DPP6: variants seen among roughly 807,000 people sequenced by gnomAD.
The protein encoded by DPP6 is dipeptidyl peptidase like 6, also known as A-type potassium channel modulatory protein DPP6.
In DPP6, 69 loss-of-function variants were observed where a neutral mutation model predicts 122.6. That is an observed-to-expected ratio of 0.56 (90% CI 0.46 to 0.69). The LOEUF (loss-of-function observed/expected upper bound fraction) is 0.69. Among genes scored for constraint, DPP6 ranks in the 30% least tolerant of loss-of-function variants. The pLI is 0.00. For missense variants in DPP6, 928 were observed against 1,116.9 expected, an observed-to-expected ratio of 0.83 and a Z score of 2.41; for synonymous variants, 418 against 433.1, an observed-to-expected ratio of 0.97 and a Z score of 0.43.
chr7:154,002,663 A>G (rs1378354305), intron 1 of DPP6, among the ~76,000 whole-genome samples: 1 of 152,108 alleles, frequency 6.6e-6, no homozygotes, highest in Non-Finnish European at 1.5e-5. Flanking sequence ...TGGTGGGACC[A>G]TGTTGGGGAG....
intron 1 of DPP6, among the ~76,000 whole-genome samples, chr7:154,060,323 C>A (rs1257745068): frequency 7.4e-6 from 1 of 135,432 alleles, no homozygotes; most frequent in Non-Finnish European, 1.6e-5. Flanking sequence ...GGACCCCCAT[C>A]GCAGGAGGGG....
chr7:154,580,415 G>A (rs955101013), intron 5 of DPP6, among the ~76,000 whole-genome samples: 7 of 152,158 alleles, frequency 4.6e-5, no homozygotes, highest in Admixed American at 1.3e-4. Context: ...ATGATGAATG[G>A]AACGTTGCTC....
At chr7:154,776,449 GCCCCAC>G (rs1796578634) in intron 10 of DPP6, among the ~76,000 whole-genome samples, 1 of 152,208 alleles carries the variant, frequency 6.6e-6, no homozygotes, top group South Asian at 2.1e-4. Flanking sequence ...TCACATGGCA[GCCCCAC>G]CCCGCTTCCA....
At chr7:154,478,842 T>C (rs568057344) in intron 3 of DPP6, among the ~76,000 whole-genome samples, 1 of 152,358 alleles carries the variant, frequency 6.6e-6, no homozygotes, top group African/African-American at 2.4e-5. Context: ...TTTTGAAGTC[T>C]CTATTCTAGC....
intron 7 of DPP6, among the ~76,000 whole-genome samples, chr7:154,687,281 T>C (rs2131198233): frequency 6.6e-6 from 1 of 152,364 alleles, no homozygotes; most frequent in East Asian, 1.9e-4. Flanking sequence ...TCATAGTCCA[T>C]TATACAAATG....
rs201322506 is a variant in DPP6, at chr7:154,557,694, GC to G, written c.553-9147del. 3.4e-3 allele frequency among the ~76,000 whole-genome samples: 520 copies of G among 152,228 alleles called. 9 individuals are homozygous for G. Among genetic ancestry groups the G allele is most frequent in the Admixed American group, 0.029 (446 of 15,282 alleles). ...TGTATTGGACAGCAGGCAGTGCACA[GC>G]TGTGATCCCCGAGAAAAGAAAAACA... On this transcript the variant is annotated intron_variant, in intron 4 of 25. Coordinates refer to ENST00000377770, the MANE Select transcript of DPP6 (RefSeq NM_130797.4).
At chr7:154,581,007 C>T (rs1307536222) in intron 5 of DPP6, among the ~76,000 whole-genome samples, 2 of 152,134 alleles carry the variant, frequency 1.3e-5, no homozygotes, top group Non-Finnish European at 2.9e-5. Context: ...TTAGAAACAG[C>T]CTCTGTTCCC....
the DPP6 span, among the ~76,000 whole-genome samples, chr7:153,814,032 T>G: frequency 3.9e-5 from 6 of 152,138 alleles, no homozygotes; most frequent in Admixed American, 2.6e-4. Flanking sequence ...TTTAATTAGA[T>G]CCCATTTGTC....
intron 1 of DPP6, among the ~76,000 whole-genome samples, chr7:154,063,658 G>A (rs1260998389): frequency 2.2e-5 from 3 of 138,592 alleles, no homozygotes; most frequent in African/African-American, 2.8e-5. Context: ...TCCCCCTCTG[G>A]CGCTTAGGAC....
At chr7:154,575,015 G>A (rs1831450476) in intron 5 of DPP6, among the ~76,000 whole-genome samples, 3 of 138,172 alleles carry the variant, frequency 2.2e-5, no homozygotes, top group Non-Finnish European at 4.7e-5. Context: ...GTGTGTTTGT[G>A]GGTGGTGTAT....
intron 1 of DPP6, among the ~76,000 whole-genome samples, chr7:154,328,785 G>T (rs2337887): frequency 0.66 from 99,726 of 151,582 alleles, 32,893 homozygotes; most frequent in East Asian, 0.74. Flanking sequence ...TAACCCCGTT[G>T]CCCTGGAGAG....
At chr7:154,587,962 G>A in intron 5 of DPP6, 4 of 1,612,948 alleles carry the variant, frequency 2.5e-6, no homozygotes, top group Non-Finnish European at 2.5e-6. Flanking sequence ...TGCACCTGCA[G>A]CCCTCAGGCA....
chr7:154,712,556 C>G (rs1317784818), intron 7 of DPP6, among the ~76,000 whole-genome samples: 1 of 152,142 alleles, frequency 6.6e-6, no homozygotes, highest in Admixed American at 6.5e-5. Context: ...TTCTGCATGG[C>G]TGGGGAGGCC....
At chr7:154,839,279 A>T in intron 16 of DPP6, among the ~76,000 whole-genome samples, 1 of 152,222 alleles carries the variant, frequency 6.6e-6, no homozygotes, top group East Asian at 1.9e-4. Flanking sequence ...GATTCAAGTA[A>T]CTTGCCCAAG....
intron 17 of DPP6, among the ~76,000 whole-genome samples, chr7:154,862,364 G>A (rs1250082090): frequency 6.6e-6 from 1 of 152,252 alleles, no homozygotes; most frequent in Non-Finnish European, 1.5e-5. Flanking sequence ...CCACGTGTCT[G>A]CACTCGAAAT....
chr7:154,220,328 A>G (rs973185653), intron 1 of DPP6, among the ~76,000 whole-genome samples: 5 of 152,196 alleles, frequency 3.3e-5, no homozygotes, highest in Non-Finnish European at 7.3e-5. Context: ...ACATAGGAAC[A>G]TAAAACCAAA....
chr7:154,264,044 T>A (rs2040407395), intron 1 of DPP6, among the ~76,000 whole-genome samples: 1 of 152,156 alleles, frequency 6.6e-6, no homozygotes, highest in Admixed American at 6.5e-5. Context: ...GGTGGTACAC[T>A]ATAAAGAAAA....
chr7:154,140,122 T>G (rs539592078), intron 1 of DPP6, among the ~76,000 whole-genome samples: 1 of 152,282 alleles, frequency 6.6e-6, no homozygotes, highest in South Asian at 2.1e-4. Context: ...AGCCCCTACA[T>G]CGCTCTTTCA....
At position 154,850,037 on chromosome 7, in the gene DPP6, A is replaced by T. The variant is rs567613031; in HGVS notation, c.1667-3743A>T. Among the ~76,000 whole-genome samples, 423 of 152,240 alleles carry T rather than the reference A, an allele frequency of 2.8e-3. 1 individual carries two copies. The highest frequency in any genetic ancestry group is 8.9e-3 in the African/African-American group (371 of 41,540). On this transcript the variant is annotated intron_variant, in intron 16 of 25. Transcript: ENST00000377770. ...TTGTTTATGATGAATGATCCTTTTT[A>T]AAAAAATTGTTTATTTCCATAGGTT...
Sources: gnomAD v4.1 joint callset for allele counts (sites outside exome capture counted in the v4.1 genomes callset) on GRCh38, gnomAD v4.1.1 for gene constraint, MANE v1.5 for transcripts, NCBI Gene and HGNC (gene_info 2026-07-23, HGNC 2026-07-21) for gene names.